Variants in C5AR1 observed in about 807,000 individuals in gnomAD.
C5AR1 encodes C5a anaphylatoxin chemotactic receptor 1.
In C5AR1, 4 loss-of-function variants were observed where a neutral mutation model predicts 2.4. That is an observed-to-expected ratio of 1.65 (90% CI 0.81 to 3.77). The LOEUF (loss-of-function observed/expected upper bound fraction) is 3.77, where lower values mean the gene tolerates loss of function less well. C5AR1 is among the 30% of genes most tolerant of loss of function. C5AR1 has a pLI of 0.01. For missense variants in C5AR1, 418 were observed against 462.5 expected (o/e 0.90, Z 0.88); for synonymous variants, 209 against 210.4 (o/e 0.99, Z 0.06).
chr19:47,318,265 T>G (rs1271829524), intron 1 of C5AR1, among the ~76,000 whole-genome samples: 2 of 151,882 alleles, frequency 1.3e-5, no homozygotes, highest in Admixed American at 6.6e-5. Context: ...GCCTCGTGCT[T>G]CTTCATCAGC....
chr19:47,318,962 T>A (rs565797579), intron 1 of C5AR1, among the ~76,000 whole-genome samples: 1 of 146,512 alleles, frequency 6.8e-6, no homozygotes, highest in East Asian at 2.1e-4. Context: ...TTCGGCTCAC[T>A]GCAACCTCTG....
chr19:47,316,301 C>A (rs977217070), intron 1 of C5AR1, among the ~76,000 whole-genome samples: 5 of 152,078 alleles, frequency 3.3e-5, no homozygotes, highest in East Asian at 1.9e-4. Flanking sequence ...TATCATCTAT[C>A]TATCTATCAT....
rs748552015 is a variant in C5AR1, at chr19:47,320,389, C to A, written c.612C>A (p.Ile204=). The change falls in exon 2 of 2, where the codon ATC becomes ATA. Residue 204 remains isoleucine (I), a synonymous_variant. Coordinates refer to ENST00000355085, the MANE Select transcript of C5AR1 (RefSeq NM_001736.4). The surrounding 1 kb of genome is among the most constrained non-coding windows in gnomAD (Gnocchi z 4.9). ...HDKRRERAVA[I]VRLVLGFLWP... is the part of the protein sequence containing the mutation. ...AACGGCGGGAGCGAGCCGTGGCCAT[C>A]GTCCGGCTGGTCCTGGGCTTCCTGT... 6.2e-7 allele frequency: 1 copy of A among 1,610,130 alleles called. No homozygotes were observed. The highest frequency in any genetic ancestry group is 1.1e-5 in the South Asian group (1 of 91,082).
intron 1 of C5AR1, among the ~76,000 whole-genome samples, 173 bp downstream of exon 1, chr19:47,310,071 C>A (rs1314321554): frequency 6.6e-6 from 1 of 152,198 alleles, no homozygotes; most frequent in African/African-American, 2.4e-5. Flanking sequence ...GCATCCCAGG[C>A]TCTCACACTC....
At chr19:47,318,700 C>T (rs931857615) in intron 1 of C5AR1, among the ~76,000 whole-genome samples, 7 of 152,010 alleles carry the variant, frequency 4.6e-5, no homozygotes, top group East Asian at 1.9e-4. Flanking sequence ...TGGCTGCTTT[C>T]GGGTGATCAC....
At chr19:47,317,065 C>A (rs2059291749) in intron 1 of C5AR1, among the ~76,000 whole-genome samples, 3 of 148,610 alleles carry the variant, frequency 2.0e-5, no homozygotes, top group African/African-American at 7.5e-5. Flanking sequence ...TGGTGGTGCA[C>A]AATTGTAGTC....
upstream of C5AR1, chr19:47,307,783 C>T (rs2059257962): frequency 6.6e-6 from 1 of 152,178 alleles, no homozygotes; most frequent in Admixed American, 6.6e-5. Context: ...AGTCCATGGC[C>T]TGCTAGGAAC....
intron 1 of C5AR1, chr19:47,316,436 TC>T (rs1156472233): frequency 6.6e-6 from 1 of 151,884 alleles, no homozygotes; most frequent in African/African-American, 2.4e-5. Context: ...TATCCATCCA[TC>T]TTTCTATCAC....
Position 47,320,200 on chromosome 19 carries a change from C to A in C5AR1, c.423C>A (p.Pro141=), listed in dbSNP as rs762705701. ...ACCGCTTTCTGCTGGTGTTTAAACC[C>A]ATCTGGTGCCAGAACTTCCGAGGGG... The part of the protein sequence containing the change: ...SADRFLLVFK[P]IWCQNFRGAG... Residue 141 remains proline (P), a synonymous_variant, in exon 2 of 2, where the codon CCC becomes CCA. Transcript: ENST00000355085. The surrounding 1 kb of genome is among the most constrained non-coding windows in gnomAD (Gnocchi z 4.9). 5.6e-6 allele frequency: 9 copies of A among 1,614,112 alleles called. No individual in the cohort carries two copies. In the African/African-American group the frequency reaches 1.1e-4, roughly 19 times the overall value.
intron 1 of C5AR1, among the ~76,000 whole-genome samples, chr19:47,312,894 C>G (rs1376603512): frequency 6.6e-6 from 1 of 152,020 alleles, no homozygotes; most frequent in Non-Finnish European, 1.5e-5. Flanking sequence ...GTGCTTCTTT[C>G]TTTCTTTTAT....
At chr19:47,308,233 AAAG>A (rs1354046678), upstream of C5AR1, among the ~76,000 whole-genome samples, 134 of 150,978 alleles carry the variant, frequency 8.9e-4, no homozygotes, top group Non-Finnish European at 1.6e-3. Flanking sequence ...AAAAAAAAAA[AAAG>A]AGCATGAACC....
At chr19:47,308,315 C>T (rs1437315225), upstream of C5AR1, among the ~76,000 whole-genome samples, 2 of 151,358 alleles carry the variant, frequency 1.3e-5, no homozygotes, top group East Asian at 3.9e-4. Context: ...GCCTGATGAT[C>T]TGTCACTGTA....
intron 1 of C5AR1, among the ~76,000 whole-genome samples, chr19:47,318,646 GAGCAAATTCC>G (rs1309764881): frequency 6.6e-6 from 1 of 152,010 alleles, no homozygotes; most frequent in Non-Finnish European, 1.5e-5. Context: ...AGGATGGAAA[GAGCAAATTCC>G]ATGCCGCATG....
intron 1 of C5AR1, among the ~76,000 whole-genome samples, chr19:47,312,661 A>C (rs1386958358): frequency 6.6e-6 from 1 of 152,202 alleles, no homozygotes; most frequent in Non-Finnish European, 1.5e-5. Context: ...TGTATTAGGC[A>C]TTCATTAATT....
chr19:47,308,212 C>CAAA (rs1051683773), upstream of C5AR1, among the ~76,000 whole-genome samples: 75 of 53,704 alleles, frequency 1.4e-3, no homozygotes, highest in East Asian at 3.9e-3. Context: ...GACTCCATCT[C>CAAA]AAAAAAAAAA....
At chr19:47,310,357 T>A (rs1326110220) in intron 1 of C5AR1, among the ~76,000 whole-genome samples, 9 of 152,068 alleles carry the variant, frequency 5.9e-5, no homozygotes, top group Non-Finnish European at 7.4e-5. Flanking sequence ...TTTTTTTTTT[T>A]ATTTAAAGAA....
At chr19:47,317,002 ACCC>A in intron 1 of C5AR1, among the ~76,000 whole-genome samples, 1 of 149,872 alleles carries the variant, frequency 6.7e-6, no homozygotes. Context: ...ACAAAGCGAG[ACCC>A]ATCTCTACCA....
rs1428157826 is a variant in C5AR1, at chr19:47,320,903, C to T, written c.*73C>T. 3 of 1,369,152 alleles carry T rather than the reference C, an allele frequency of 2.2e-6. No individual in the cohort carries two copies. In the African/African-American group the frequency reaches 4.3e-5, roughly 20 times the overall value. 84.8% of individuals were successfully genotyped at this position (1,369,152 alleles called of 1,614,324 possible). On this transcript the variant is annotated 3_prime_UTR_variant, in exon 2 of 2. Coordinates refer to ENST00000355085, the MANE Select transcript of C5AR1 (RefSeq NM_001736.4). The surrounding 1 kb of genome is among the most constrained non-coding windows in gnomAD (Gnocchi z 4.9). Reference sequence around the variant, plus strand: ...GCCATTCTCCCTCTTGTTTTCACTTCACTTTTCGTGGGATGGTGTTACCTT... The same window carrying T: ...GCCATTCTCCCTCTTGTTTTCACTTTACTTTTCGTGGGATGGTGTTACCTT...
chr19:47,320,655 G>A lies in C5AR1; in HGVS notation c.878G>A (p.Cys293Tyr). The A allele has an allele frequency of 1.2e-6, 2 of 1,614,136 alleles. No homozygotes were observed. The highest frequency in any genetic ancestry group is 1.7e-6 in the Non-Finnish European group (2 of 1,180,024). ...TGTGTCTCCTTTGCCTACATCAACTGCTGCATCAACCCCATCATCTACGTG... is the reference window on the plus strand; with the variant it reads ...TGTGTCTCCTTTGCCTACATCAACTACTGCATCAACCCCATCATCTACGTG... Reference protein sequence around the residue: ...SLCVSFAYINCCINPIIYVVA... With the variant: ...SLCVSFAYINYCINPIIYVVA... The change falls in exon 2 of 2, where the codon TGC (cysteine) becomes TAC (tyrosine). Residue 293 changes from cysteine to tyrosine, a missense_variant. Coordinates refer to ENST00000355085, the MANE Select transcript of C5AR1 (RefSeq NM_001736.4). This position sits in a 1 kb window ranked among gnomAD's most constrained non-coding sequence, Gnocchi z 4.9.
Sources: gnomAD v4.1 joint callset for allele counts (sites outside exome capture counted in the v4.1 genomes callset) on GRCh38, gnomAD v4.1.1 for gene constraint, Gnocchi (gnomAD v3.1) non-coding constraint, MANE v1.5 for transcripts, NCBI Gene and HGNC (gene_info 2026-07-23, HGNC 2026-07-21) for gene names.